MYRIP: variants seen among roughly 807,000 people sequenced by gnomAD.
MYRIP encodes rab effector MyRIP.
MYRIP carries 49 observed loss-of-function variants against 98.0 expected under a neutral mutation model. The observed-to-expected ratio is 0.50, with a 90% CI of 0.40 to 0.63. MYRIP has a LOEUF of 0.63. Ranked by LOEUF, MYRIP falls within the 30% of genes least tolerant of loss-of-function variation. The pLI is 0.00. For synonymous variants in MYRIP, 404 were observed against 409.5 expected (o/e 0.99, Z 0.16); for missense variants, 1,004 against 1,058.2 (o/e 0.95, Z 0.71).
chr3:40,066,344 C>T (rs1031870748), intron 3 of MYRIP, among the ~76,000 whole-genome samples: 21 of 152,174 alleles, frequency 1.4e-4, no homozygotes, highest in African/African-American at 3.4e-4. Context: ...TAAGGGGAAC[C>T]TCTCCTCAAA....
Position 39,974,851 on chromosome 3 carries a change from C to A in MYRIP, c.111-69199C>A, listed in dbSNP as rs4588298. On this transcript the variant is annotated intron_variant, in intron 2 of 16. Coordinates refer to ENST00000302541, the MANE Select transcript of MYRIP (RefSeq NM_015460.4). ...AAGGCCTTCGAAAAAATTCAACAAC[C>A]CTTCATGCTAAAAACTCTCAATAAA... 1.9e-3 allele frequency among the ~76,000 whole-genome samples: 285 copies of A among 149,054 alleles called. 2 individuals are homozygous for A. Among genetic ancestry groups the A allele is most frequent in the African/African-American group, 6.8e-3 (263 of 38,652 alleles).
At position 40,189,906 on chromosome 3, in the gene MYRIP, G is replaced by T. The variant is rs755973986; in HGVS notation, c.1108G>T (p.Ala370Ser). The change falls in exon 10 of 17, where the codon GCC becomes TCC. Residue 370 changes from alanine to serine, a missense_variant. By Grantham distance (99) the Ala-to-Ser change is moderately conservative. Around this residue, in one of 3 missense-constraint regions of MYRIP, gnomAD observed 880 missense variants for 907.7 expected, o/e 0.97. Coordinates refer to ENST00000302541, the MANE Select transcript of MYRIP (RefSeq NM_015460.4). ...DGAPPPTRLL[A>S]KPKSGTFQAL... The stretch of plus-strand genomic sequence containing the variant: ...CGCTCCACCCCCCACCCGACTACTG[G>T]CCAAACCTAAGAGCGGGACGTTTCA... The T allele has an allele frequency of 2.5e-6, 4 of 1,614,192 alleles. No individual in the cohort carries two copies. The highest frequency in any genetic ancestry group is 3.4e-6 in the Non-Finnish European group (4 of 1,180,042).
At chr3:40,159,495 G>T (rs1253314271) in intron 4 of MYRIP, among the ~76,000 whole-genome samples, 2 of 151,726 alleles carry the variant, frequency 1.3e-5, no homozygotes, top group East Asian at 3.9e-4. Flanking sequence ...TTCTCGAGGA[G>T]TATCTTTGTG....
chr3:40,211,774 C>T (rs568791249), intron 11 of MYRIP, among the ~76,000 whole-genome samples: 6 of 152,172 alleles, frequency 3.9e-5, no homozygotes, highest in African/African-American at 1.4e-4. Context: ...GGCTGTGAGT[C>T]ATGCAACCTC....
At chr3:40,107,756 GAT>G (rs1175993496) in intron 3 of MYRIP, among the ~76,000 whole-genome samples, 1 of 152,182 alleles carries the variant, frequency 6.6e-6, no homozygotes, top group Admixed American at 6.5e-5. Flanking sequence ...AAACATTCCA[GAT>G]ATCTGCACAA....
Position 40,152,378 on chromosome 3 carries a change from T to C in MYRIP, c.469+1194T>C, listed in dbSNP as rs537747542. On this transcript the variant is annotated intron_variant, in intron 4 of 16. Transcript: ENST00000302541. ...CTTTAAATGTCACCAAATTCAGATCTCGTAGGTGTTCTTTACCACTTAATG... is the reference window on the plus strand; with the variant it reads ...CTTTAAATGTCACCAAATTCAGATCCCGTAGGTGTTCTTTACCACTTAATG... Among the ~76,000 whole-genome samples, 481 of 152,298 alleles carry C rather than the reference T, an allele frequency of 3.2e-3. 1 individual carries two copies. The highest frequency in any genetic ancestry group is 6.8e-3 in the Middle Eastern group (2 of 294).
At chr3:40,124,922 A>G (rs529598183) in intron 3 of MYRIP, among the ~76,000 whole-genome samples, 20 of 152,250 alleles carry the variant, frequency 1.3e-4, no homozygotes, top group Admixed American at 1.1e-3. Flanking sequence ...CCTCCCTCAT[A>G]TAGAAGAGGC....
intron 1 of MYRIP, among the ~76,000 whole-genome samples, chr3:39,826,723 T>TGA (rs1941277740): frequency 6.6e-6 from 1 of 152,214 alleles, no homozygotes; most frequent in South Asian, 2.1e-4. Context: ...TGTCTAATGC[T>TGA]GAGAGTGGGG....
chr3:39,922,793 A>G (rs188475242), intron 2 of MYRIP, among the ~76,000 whole-genome samples: 5 of 152,218 alleles, frequency 3.3e-5, no homozygotes, highest in South Asian at 2.1e-4. Context: ...ACAAGTGTCA[A>G]TACAAATTTG....
intron 3 of MYRIP, among the ~76,000 whole-genome samples, chr3:40,103,442 T>G (rs1366712043): frequency 6.6e-6 from 1 of 152,202 alleles, no homozygotes; most frequent in Non-Finnish European, 1.5e-5. Context: ...ATGAATGTTT[T>G]TTGTTTGTAT....
intron 1 of MYRIP, among the ~76,000 whole-genome samples, chr3:39,851,331 A>T (rs1220345419): frequency 1.3e-5 from 2 of 152,168 alleles, no homozygotes; most frequent in Non-Finnish European, 2.9e-5. Flanking sequence ...TTCTCCAGAC[A>T]TTGTTAAATG....
chr3:40,102,555 TGCCTTATTCAAGTGGAA>T (rs1239480633), intron 3 of MYRIP, among the ~76,000 whole-genome samples: 1 of 152,176 alleles, frequency 6.6e-6, no homozygotes, highest in East Asian at 1.9e-4. Context: ...GGGTTTAATT[TGCCTTATTCAAGTGGAA>T]GCCCAGTCCT....
intron 2 of MYRIP, among the ~76,000 whole-genome samples, chr3:39,998,583 T>C (rs911669988): frequency 1.3e-5 from 2 of 152,140 alleles, no homozygotes; most frequent in Admixed American, 6.5e-5. Flanking sequence ...GAATCAATAT[T>C]GTGAAAATGG....
chr3:40,206,374 G>T (rs1951792599), intron 10 of MYRIP, among the ~76,000 whole-genome samples: 1 of 152,140 alleles, frequency 6.6e-6, no homozygotes, highest in African/African-American at 2.4e-5. Flanking sequence ...GGTGCTTCCA[G>T]TTATGCTCAT....
At chr3:39,879,064 C>CA (rs11425483) in intron 1 of MYRIP, among the ~76,000 whole-genome samples, 48,171 of 150,346 alleles carry the variant, frequency 0.32, 7,888 homozygotes, top group Middle Eastern at 0.45. Flanking sequence ...GACTCTGTCT[C>CA]AAAAAAATAA....
At chr3:39,966,487 T>C (rs1353910192) in intron 2 of MYRIP, among the ~76,000 whole-genome samples, 1 of 152,212 alleles carries the variant, frequency 6.6e-6, no homozygotes, top group African/African-American at 2.4e-5. Context: ...GATATTAGTG[T>C]TCCAGCAGGA....
chr3:40,001,558 C>G (rs1946519804), intron 2 of MYRIP, among the ~76,000 whole-genome samples: 1 of 152,138 alleles, frequency 6.6e-6, no homozygotes, highest in Non-Finnish European at 1.5e-5. Context: ...AGTTAGAGAA[C>G]CACATAATAG....
intron 2 of MYRIP, among the ~76,000 whole-genome samples, chr3:40,007,343 T>TAAA (rs5848544): frequency 0.046 from 6,775 of 148,646 alleles, 202 homozygotes; most frequent in East Asian, 0.17. Flanking sequence ...AAATATATGT[T>TAAA]AAAAAAAAAA....
intron 2 of MYRIP, among the ~76,000 whole-genome samples, chr3:39,948,324 T>C (rs1187149728): frequency 4.6e-5 from 7 of 152,072 alleles, no homozygotes; most frequent in African/African-American, 1.7e-4. Context: ...TATTTTAAAA[T>C]TACTAATCAA....
Sources: gnomAD v4.1 joint callset for allele counts (sites outside exome capture counted in the v4.1 genomes callset) on GRCh38, gnomAD v4.1.1 for gene constraint, gnomAD v4.1.1 regional missense constraint, MANE v1.5 for transcripts, NCBI Gene and HGNC (gene_info 2026-07-23, HGNC 2026-07-21) for gene names.